Variants in GSN observed in about 807,000 individuals in gnomAD.
The protein encoded by GSN is gelsolin, also known as actin-depolymerizing factor.
In GSN, 56 loss-of-function variants were observed where a neutral mutation model predicts 85.7. The ratio of observed to expected loss-of-function variants is 0.65; its 90% CI spans 0.53 to 0.82. The LOEUF is 0.82. Ranked by LOEUF, GSN falls within the 40% of genes least tolerant of loss-of-function variation. The pLI is 0.00. For synonymous variants in GSN, 373 were observed against 399.1 expected (o/e 0.93, Z 0.78); for missense variants, 857 against 979.8 (o/e 0.87, Z 1.67).
chr9:121,262,868 C>T (rs548896273), intron 6 of GSN, among the ~76,000 whole-genome samples: 7 of 152,240 alleles, frequency 4.6e-5, no homozygotes, highest in Non-Finnish European at 7.3e-5. Context: ...GTAGTGTCCC[C>T]AATCACTCTA....
chr9:121,284,498 C>T (rs1025926135), intron 2 of GSN: 1 of 167,188 alleles, frequency 6.0e-6, no homozygotes. Context: ...AGTTAACGCC[C>T]AGAGTGCTCT....
At position 121,291,416 on chromosome 9, in the gene GSN, C is replaced by CT. The variant is rs10615868; in HGVS notation, c.-10+9874dup. 8.9e-3 allele frequency among the ~76,000 whole-genome samples: 920 copies of CT among 103,824 alleles called. 20 individuals are homozygous for CT. Among genetic ancestry groups the CT allele is most frequent in the African/African-American group, 0.03 (788 of 26,620 alleles). 68.1% of individuals were successfully genotyped at this position (103,824 alleles called of 152,430 possible). A position where few individuals can be genotyped will look rare whatever the true frequency, so the allele number is the denominator to read the frequency against. On this transcript the variant is annotated intron_variant, in intron 2 of 17. Coordinates refer to ENST00000432226, the MANE Select transcript of GSN (RefSeq NM_198252.3). ...TTCTCTGATATGTCTCCCCACTGGACTTTTTTTTTTTTTTTTTTTTGAGTT... is the reference window on the plus strand; with the variant it reads ...TTCTCTGATATGTCTCCCCACTGGACTTTTTTTTTTTTTTTTTTTTTGAGTT...
At chr9:121,281,813 C>T (rs1346842337) in intron 2 of GSN, 1 of 471,072 alleles carries the variant, frequency 2.1e-6, no homozygotes, top group Non-Finnish European at 4.4e-6. Flanking sequence ...ATGCCTGGCT[C>T]CCACCCTGGC....
chr9:121,311,045 C>T (rs1235905206), intron 5 of GSN, 200 bp downstream of exon 5: 8 of 605,842 alleles, frequency 1.3e-5, no homozygotes, highest in Non-Finnish European at 2.4e-5. Context: ...CGTACTTGGA[C>T]TTTGATTGAC....
At chr9:121,297,697 G>T (rs41273422) in intron 2 of GSN, 5,601 of 152,294 alleles carry the variant, frequency 0.037, 152 homozygotes, top group Non-Finnish European at 0.054. Context: ...ACAATCAGAC[G>T]TAGCTCATTC....
intron 6 of GSN, among the ~76,000 whole-genome samples, chr9:121,252,905 T>TG (rs1356058694): frequency 1.3e-5 from 2 of 152,174 alleles, no homozygotes; most frequent in Admixed American, 6.5e-5. Context: ...TTAGTCAGTC[T>TG]GGGGGGACTA....
chr9:121,224,741 GAAA>G (rs11374663), intron 4 of GSN, among the ~76,000 whole-genome samples: 1 of 114,350 alleles, frequency 8.7e-6, no homozygotes, highest in Non-Finnish European at 1.8e-5. Context: ...TAGGCTACCT[GAAA>G]AAAAAAAAAA....
Position 121,327,405 on chromosome 9 carries a change from C to T in GSN, c.1685C>T (p.Ala562Val). The T allele has an allele frequency of 6.2e-7, 1 of 1,612,760 alleles. No individual in the cohort carries two copies. The highest frequency in any genetic ancestry group is 1.1e-5 in the South Asian group (1 of 90,704). Reference sequence around the variant, plus strand: ...TGGGTGGGTACAGGAGCCAGCGAGGCAGAGAAGACGGGGGCCCAGGAGCTG... The same window carrying T: ...TGGGTGGGTACAGGAGCCAGCGAGGTAGAGAAGACGGGGGCCCAGGAGCTG... ...YLWVGTGASE[A>V]EKTGAQELLR... The change falls in exon 14 of 18, where the codon GCA becomes GTA. Residue 562 changes from alanine (A) to valine (V), a missense_variant. Ala to Val is a moderately conservative substitution (Grantham distance 64). Transcript: ENST00000432226.
chr9:121,276,597 T>C (rs1385906499), intron 1 of GSN, among the ~76,000 whole-genome samples: 1 of 152,330 alleles, frequency 6.6e-6, no homozygotes, highest in East Asian at 1.9e-4. Flanking sequence ...TAGCAGGGCT[T>C]TAGGAATCGC....
chr9:121,256,597 G>T (rs2054965739), intron 6 of GSN, among the ~76,000 whole-genome samples: 1 of 152,178 alleles, frequency 6.6e-6, no homozygotes, highest in African/African-American at 2.4e-5. Context: ...TAAGTTCTAG[G>T]CTGGGCTCGG....
rs377275007 is a variant in GSN, at chr9:121,299,028, A to C, written c.-9-2935A>C. On this transcript the variant is annotated intron_variant, in intron 2 of 17. Transcript: ENST00000432226. This position sits in a 1 kb window ranked among gnomAD's most constrained non-coding sequence, Gnocchi z 4.2. ...AAGTAACAAGGGCTTGCTTAGAGAC[A>C]TGACGGTAAACCCTGAACCATCAGC... is the stretch of plus-strand genomic sequence containing the variant. Among the ~76,000 whole-genome samples, 1 of 152,246 alleles carries C rather than the reference A, an allele frequency of 6.6e-6. No homozygotes were observed. The highest frequency in any genetic ancestry group is 1.9e-4 in the East Asian group (1 of 5,200).
chr9:121,331,481 G>A, intron 17 of GSN, 33 bp downstream of exon 17: 3 of 1,066,942 alleles, frequency 2.8e-6, no homozygotes, highest in Non-Finnish European at 4.3e-6. Context: ...GCGGGGGGAG[G>A]GGTCCGTTGC....
At chr9:121,291,262 A>C (rs1477519150) in intron 2 of GSN, among the ~76,000 whole-genome samples, 3 of 152,086 alleles carry the variant, frequency 2.0e-5, no homozygotes, top group Non-Finnish European at 4.4e-5. Context: ...ACATGGGAGA[A>C]TATATGTAGG....
At chr9:121,271,741 T>C (rs2056000788) in intron 1 of GSN, among the ~76,000 whole-genome samples, 1 of 152,148 alleles carries the variant, frequency 6.6e-6, no homozygotes, top group Non-Finnish European at 1.5e-5. Context: ...CCGGGGCTGT[T>C]TGTAAACTCA....
chr9:121,286,620 T>TGA, intron 2 of GSN: 1 of 1,520,832 alleles, frequency 6.6e-7, no homozygotes, highest in South Asian at 1.2e-5. Flanking sequence ...ACTGCTTGAA[T>TGA]GACTATTGGT....
Position 121,318,610 on chromosome 9 carries a change from G to A in GSN, c.976-55G>A, listed in dbSNP as rs2061994722. 1 of 1,507,736 alleles carries A rather than the reference G, an allele frequency of 6.6e-7. No individual in the cohort carries two copies. The highest frequency in any genetic ancestry group is 9.2e-7 in the Non-Finnish European group (1 of 1,084,176). The allele number at this position is 1,507,736 out of a possible 1,614,324, so 93.4% of individuals were successfully genotyped here. A position where few individuals can be genotyped will look rare whatever the true frequency, so the allele number is the denominator to read the frequency against. ...GGATGGGGTATCTGAGGCTCCCCTG[G>A]GGACCCCTGCTGGGCAGCCCAGCCA... On this transcript the variant is annotated intron_variant, in intron 9 of 17. Coordinates refer to ENST00000432226, the MANE Select transcript of GSN (RefSeq NM_198252.3). This position sits in a 1 kb window ranked among gnomAD's most constrained non-coding sequence, Gnocchi z 4.3.
chr9:121,294,243 G>C lies in GSN; in HGVS notation c.-9-7720G>C, dbSNP rs1433142765. Among the ~76,000 whole-genome samples the C allele has an allele frequency of 3.4e-4, 51 of 152,130 alleles. 1 individual carries two copies. Among genetic ancestry groups the C allele is most frequent in the Non-Finnish European group, 2.9e-5 (2 of 68,026 alleles). On this transcript the variant is annotated intron_variant, in intron 2 of 17. Transcript: ENST00000432226. ...CCACGGTCCCAGCATCTGCAGCCAG[G>C]CCTCCCTGTCTTGTTGTGGATTTGC... is the stretch of plus-strand genomic sequence containing the variant.
At chr9:121,330,992 T>C (rs2063820053) in intron 16 of GSN, among the ~76,000 whole-genome samples, 2 of 152,172 alleles carry the variant, frequency 1.3e-5, no homozygotes, top group Admixed American at 6.5e-5. Flanking sequence ...CAGGCTGGGC[T>C]GGGGAGACGT....
upstream of GSN, among the ~76,000 whole-genome samples, chr9:121,266,083 C>A (rs898013731): frequency 2.0e-5 from 3 of 152,230 alleles, no homozygotes; most frequent in African/African-American, 7.2e-5. Context: ...CCATGTTCCT[C>A]TCCAGCCACC....
Sources: gnomAD v4.1 joint callset for allele counts (sites outside exome capture counted in the v4.1 genomes callset) on GRCh38, gnomAD v4.1.1 for gene constraint, Gnocchi (gnomAD v3.1) non-coding constraint, MANE v1.5 for transcripts, NCBI Gene and HGNC (gene_info 2026-07-23, HGNC 2026-07-21) for gene names.